Variants in SP8 observed in about 807,000 individuals in gnomAD.
SP8 encodes Sp8 transcription factor, also known as transcription factor Sp8.
Under a neutral mutation model 15.3 loss-of-function variants are expected in SP8, and 7 were observed. The ratio of observed to expected loss-of-function variants is 0.46; its 90% CI spans 0.26 to 0.86. SP8 has a LOEUF of 0.86. Among genes scored for constraint, SP8 ranks in the 40% least tolerant of loss-of-function variants. The pLI is 0.16. For synonymous variants in SP8, 415 were observed against 356.3 expected (o/e 1.16, Z -1.86); for missense variants, 731 against 736.4 (o/e 0.99, Z 0.09).
rs925747087 is a variant in SP8, at chr7:20,782,984, A to G, written c.*1306T>C. On this transcript the variant is annotated 3_prime_UTR_variant, in exon 2 of 2. Coordinates refer to ENST00000418710, the MANE Select transcript of SP8 (RefSeq NM_182700.6). Reference sequence around the variant, plus strand: ...CTGGCGGAGTTATATTTAATTGGTAACTAATCTAGAACGATTCTCCAGTTG... The same window carrying G: ...CTGGCGGAGTTATATTTAATTGGTAGCTAATCTAGAACGATTCTCCAGTTG... The G allele has an allele frequency of 6.6e-5, 10 of 152,530 alleles. No individual in the cohort carries two copies. Among genetic ancestry groups the G allele is most frequent in the African/African-American group, 2.4e-4 (10 of 41,462 alleles). The allele number at this position is 152,530 out of a possible 1,614,324, so 9.4% of individuals were successfully genotyped here.
In SP8 at chr7:20,783,986, A is replaced by C; in HGVS notation, c.*304T>G. The C allele has an allele frequency of 2.5e-6, 1 of 396,230 alleles. No homozygotes were observed. The allele number at this position is 396,230 out of a possible 1,614,324, so 24.5% of individuals were successfully genotyped here. A position where few individuals can be genotyped will look rare whatever the true frequency, so the allele number is the denominator to read the frequency against. ...CCTGGGGGGTGGAGGAGGGGAGGAC[A>C]AGGAAGAGAGAACGAGAAATAAAGG... is the stretch of plus-strand genomic sequence containing the variant. On this transcript the variant is annotated 3_prime_UTR_variant, in exon 2 of 2. Transcript: ENST00000418710.
In SP8 at chr7:20,785,668, G is replaced by C; in HGVS notation, c.149C>G (p.Pro50Arg). The change falls in exon 2 of 2, where the codon CCC (proline) becomes CGC (arginine). Residue 50 changes from proline (P) to arginine (R), a missense_variant. Physicochemically the swap from Pro to Arg is moderately radical, Grantham distance 103. Transcript: ENST00000418710. This position sits in a 1 kb window ranked among gnomAD's most constrained non-coding sequence, Gnocchi z 7.2. The part of the protein sequence containing the change: ...SSSSFGKGFH[P>R]WKRSSSSSSA... ...AGAAGAGGACGAGGAGCGTTTCCAG[G>C]GGTGGAAGCCTTTGCCGAAGGAAGA... is the stretch of plus-strand genomic sequence containing the variant. The C allele has an allele frequency of 6.2e-7, 1 of 1,614,002 alleles. No homozygotes were observed. Among genetic ancestry groups the C allele is most frequent in the Non-Finnish European group, 8.5e-7 (1 of 1,180,002 alleles).
In SP8 at chr7:20,786,813, C is replaced by G. The variant is rs764156823; in HGVS notation, c.-15G>C. The stretch of plus-strand genomic sequence containing the variant: ...GAAGTTGCCATCACACAAAAGTGCC[C>G]TCCTCCTCTCAGAGGATCTTTTTTA... On this transcript the variant is annotated 5_prime_UTR_variant, in exon 1 of 2. Coordinates refer to ENST00000418710, the MANE Select transcript of SP8 (RefSeq NM_182700.6). The surrounding 1 kb of genome is among the most constrained non-coding windows in gnomAD (Gnocchi z 4.4). 1.1e-5 allele frequency: 17 copies of G among 1,609,310 alleles called. No homozygotes were observed. Among genetic ancestry groups the G allele is most frequent in the Non-Finnish European group, 1.4e-5 (17 of 1,175,610 alleles).
At position 20,784,243 on chromosome 7, in the gene SP8, G is replaced by A. The variant is rs1392920001; in HGVS notation, c.*47C>T. 5.8e-6 allele frequency: 8 copies of A among 1,384,350 alleles called. No homozygotes were observed. The highest frequency in any genetic ancestry group is 7.5e-6 in the Non-Finnish European group (8 of 1,062,994). The allele number at this position is 1,384,350 out of a possible 1,614,324, so 85.8% of individuals were successfully genotyped here. The stretch of plus-strand genomic sequence containing the variant: ...AGTCCGGACAGACAGGGCCCAAGAG[G>A]ACTTGGTGGGAGGAGGTCGGGGAGA... On this transcript the variant is annotated 3_prime_UTR_variant, in exon 2 of 2. Coordinates refer to ENST00000418710, the MANE Select transcript of SP8 (RefSeq NM_182700.6).
chr7:20,784,158 G>T lies in SP8; in HGVS notation c.*132C>A. 1.3e-6 allele frequency: 1 copy of T among 795,468 alleles called. No individual in the cohort carries two copies. The highest frequency in any genetic ancestry group is 1.8e-6 in the Non-Finnish European group (1 of 556,578). 49.3% of individuals were successfully genotyped at this position (795,468 alleles called of 1,614,324 possible). On this transcript the variant is annotated 3_prime_UTR_variant, in exon 2 of 2. Transcript: ENST00000418710. ...AAGTCACAGAAGGAAGAAGGAAGAGGGGCAGAAACAGAAAGAGACAGAGAG... is the reference window on the plus strand; with the variant it reads ...AAGTCACAGAAGGAAGAAGGAAGAGTGGCAGAAACAGAAAGAGACAGAGAG...
In SP8 at chr7:20,784,245, C is replaced by A. The variant is rs1270425015; in HGVS notation, c.*45G>T. ...TCCGGACAGACAGGGCCCAAGAGGA[C>A]TTGGTGGGAGGAGGTCGGGGAGAGG... On this transcript the variant is annotated 3_prime_UTR_variant, in exon 2 of 2. Transcript: ENST00000418710. 7 of 1,393,344 alleles carry A rather than the reference C, an allele frequency of 5.0e-6. No individual in the cohort carries two copies. The highest frequency in any genetic ancestry group is 1.5e-5 in the South Asian group (1 of 65,536). The allele number at this position is 1,393,344 out of a possible 1,614,324, so 86.3% of individuals were successfully genotyped here.
chr7:20,785,095 G>A lies in SP8; in HGVS notation c.722C>T (p.Pro241Leu). 1.9e-6 allele frequency: 3 copies of A among 1,584,836 alleles called. No homozygotes were observed. Among genetic ancestry groups the A allele is most frequent in the Non-Finnish European group, 2.6e-6 (3 of 1,170,958 alleles). ...VGAGWIDVQN[P>L]NSAAALPGSL... is the part of the protein sequence containing the mutation. The stretch of plus-strand genomic sequence containing the variant: ...GCCGGGCAGCGCAGCCGCGCTGTTC[G>A]GGTTCTGCACGTCGATCCAGCCGGC... Residue 241 changes from proline (P) to leucine (L), a missense_variant, in exon 2 of 2, where the codon CCG becomes CTG. Physicochemically the swap from Pro to Leu is moderately conservative, Grantham distance 98. Around this residue, in one of 3 missense-constraint regions of SP8, gnomAD observed 586 missense variants for 524.9 expected, o/e 1.12. Coordinates refer to ENST00000418710, the MANE Select transcript of SP8 (RefSeq NM_182700.6). The surrounding 1 kb of genome is among the most constrained non-coding windows in gnomAD (Gnocchi z 7.2).
At position 20,785,249 on chromosome 7, in the gene SP8, G is replaced by A; in HGVS notation, c.568C>T (p.Leu190=). The A allele has an allele frequency of 2.5e-6, 4 of 1,597,162 alleles. No individual in the cohort carries two copies. The highest frequency in any genetic ancestry group is 3.4e-6 in the Non-Finnish European group (4 of 1,173,636). The part of the protein sequence containing the change: ...ISKVHTSVDG[L]QGIYPRVGMA... ...CCCACCCGCGGGTAGATGCCCTGCA[G>A]CCCGTCCACAGAGGTGTGCACCTTG... is the stretch of plus-strand genomic sequence containing the variant. Residue 190 remains leucine (L), a synonymous_variant, in exon 2 of 2, where the codon CTG becomes TTG. Coordinates refer to ENST00000418710, the MANE Select transcript of SP8 (RefSeq NM_182700.6). This position sits in a 1 kb window ranked among gnomAD's most constrained non-coding sequence, Gnocchi z 7.2.
chr7:20,784,508 G>C lies in SP8; in HGVS notation c.1309C>G (p.Pro437Ala), dbSNP rs1783601410. ...CGCATGAAGCGCTTGTTGCAAACTG[G>C]ACAGGCGAAGCGCTTCTCGCCGGTG... ...THTGEKRFAC[P>A]VCNKRFMRSD... The change falls in exon 2 of 2, where the codon CCA becomes GCA. Residue 437 changes from proline (P) to alanine (A), a missense_variant. Coordinates refer to ENST00000418710, the MANE Select transcript of SP8 (RefSeq NM_182700.6). The C allele has an allele frequency of 1.9e-6, 3 of 1,563,170 alleles. No individual in the cohort carries two copies. Among genetic ancestry groups the C allele is most frequent in the African/African-American group, 1.4e-5 (1 of 73,628 alleles).
In SP8 at chr7:20,784,056, TA is replaced by T; in HGVS notation, c.*233del. The T allele has an allele frequency of 2.2e-6, 1 of 457,070 alleles. No homozygotes were observed. The highest frequency in any genetic ancestry group is 3.7e-6 in the Non-Finnish European group (1 of 269,560). The allele number at this position is 457,070 out of a possible 1,614,324, so 28.3% of individuals were successfully genotyped here. A position where few individuals can be genotyped will look rare whatever the true frequency, so the allele number is the denominator to read the frequency against. On this transcript the variant is annotated 3_prime_UTR_variant, in exon 2 of 2. Coordinates refer to ENST00000418710, the MANE Select transcript of SP8 (RefSeq NM_182700.6). ...CGGCTGCAACGGGTTCAGGCAGCGT[TA>T]CCCGTGGAAAGGGAAAGCCAGGGCC...
In SP8 at chr7:20,784,095, G is replaced by A. The variant is rs1184080867; in HGVS notation, c.*195C>T. 2 of 511,180 alleles carry A rather than the reference G, an allele frequency of 3.9e-6. No individual in the cohort carries two copies. Among genetic ancestry groups the A allele is most frequent in the Non-Finnish European group, 6.4e-6 (2 of 314,384 alleles). The allele number at this position is 511,180 out of a possible 1,614,324, so 31.7% of individuals were successfully genotyped here. A position where few individuals can be genotyped will look rare whatever the true frequency, so the allele number is the denominator to read the frequency against. On this transcript the variant is annotated 3_prime_UTR_variant, in exon 2 of 2. Transcript: ENST00000418710. ...GAAAGCCAGGGCCCGGGACAGCGAT[G>A]CGTGTTACTTACTTGTCCATATCCC...
chr7:20,784,140 A>G lies in SP8; in HGVS notation c.*150T>C. 1.4e-6 allele frequency: 1 copy of G among 695,494 alleles called. No homozygotes were observed. Among genetic ancestry groups the G allele is most frequent in the Non-Finnish European group, 2.1e-6 (1 of 468,064 alleles). The allele number at this position is 695,494 out of a possible 1,614,324, so 43.1% of individuals were successfully genotyped here. ...TATCCCCTTTACAAAGTTAAGTCAC[A>G]GAAGGAAGAAGGAAGAGGGGCAGAA... On this transcript the variant is annotated 3_prime_UTR_variant, in exon 2 of 2. Transcript: ENST00000418710.
At position 20,784,901 on chromosome 7, in the gene SP8, G is replaced by A; in HGVS notation, c.916C>T (p.Pro306Ser). ...HLMDGFKPVL[P>S]GSYPDSAPSP... The stretch of plus-strand genomic sequence containing the variant: ...GGGGCCGAGTCCGGGTAGGAGCCGG[G>A]TAGCACTGGCTTGAAGCCGTCCATG... The change falls in exon 2 of 2, where the codon CCC (proline) becomes TCC (serine). Residue 306 changes from proline (P) to serine (S), a missense_variant. Transcript: ENST00000418710. The A allele has an allele frequency of 5.9e-6, 9 of 1,536,892 alleles. No individual in the cohort carries two copies. The highest frequency in any genetic ancestry group is 7.8e-6 in the Non-Finnish European group (9 of 1,147,840).
rs1783585220 is a variant in SP8, at chr7:20,784,159, G to C, written c.*131C>G. The C allele has an allele frequency of 2.5e-6, 2 of 808,460 alleles. No individual in the cohort carries two copies. The highest frequency in any genetic ancestry group is 6.5e-5 in the East Asian group (2 of 30,950). The allele number at this position is 808,460 out of a possible 1,614,324, so 50.1% of individuals were successfully genotyped here. Reference sequence around the variant, plus strand: ...AGTCACAGAAGGAAGAAGGAAGAGGGGCAGAAACAGAAAGAGACAGAGAGC... The same window carrying C: ...AGTCACAGAAGGAAGAAGGAAGAGGCGCAGAAACAGAAAGAGACAGAGAGC... On this transcript the variant is annotated 3_prime_UTR_variant, in exon 2 of 2. Coordinates refer to ENST00000418710, the MANE Select transcript of SP8 (RefSeq NM_182700.6).
At position 20,784,440 on chromosome 7, in the gene SP8, G is replaced by T; in HGVS notation, c.1377C>A (p.Gly459=). 1.3e-6 allele frequency: 2 copies of T among 1,537,366 alleles called. No homozygotes were observed. The highest frequency in any genetic ancestry group is 1.7e-6 in the Non-Finnish European group (2 of 1,143,976). Reference sequence around the variant, plus strand: ...AGCCCGCCGAGCCGCCGCCGCCGCCGCCGCCACTGTGCGTCTTCACGTGCT... The same window carrying T: ...AGCCCGCCGAGCCGCCGCCGCCGCCTCCGCCACTGTGCGTCTTCACGTGCT... ...LSKHVKTHSG[G]GGGGGSAGSG... The change falls in exon 2 of 2, where the codon GGC becomes GGA. Residue 459 remains glycine (G), a synonymous_variant. Transcript: ENST00000418710.
At position 20,786,261 on chromosome 7, in the gene SP8, T is replaced by A. The variant is rs1783675776; in HGVS notation, c.22-466A>T. Among the ~76,000 whole-genome samples the A allele has an allele frequency of 6.6e-6, 1 of 152,300 alleles. No individual in the cohort carries two copies. Among genetic ancestry groups the A allele is most frequent in the African/African-American group, 2.4e-5 (1 of 41,554 alleles). On this transcript the variant is annotated intron_variant, in intron 1 of 1. Coordinates refer to ENST00000418710, the MANE Select transcript of SP8 (RefSeq NM_182700.6). The surrounding 1 kb of genome is among the most constrained non-coding windows in gnomAD (Gnocchi z 4.4). ...ACCTGTTCGGGTCCCCAGAAACCCA[T>A]CCTGGGTTGTTTCTCCCAGGCCAAA...
In SP8 at chr7:20,785,914, C is replaced by T; in HGVS notation, c.22-119G>A. The T allele has an allele frequency of 2.7e-6, 4 of 1,462,162 alleles. No individual in the cohort carries two copies. Among genetic ancestry groups the T allele is most frequent in the Non-Finnish European group, 3.6e-6 (4 of 1,099,866 alleles). 90.6% of individuals were successfully genotyped at this position (1,462,162 alleles called of 1,614,324 possible). On this transcript the variant is annotated intron_variant, in intron 1 of 1. Coordinates refer to ENST00000418710, the MANE Select transcript of SP8 (RefSeq NM_182700.6). This position sits in a 1 kb window ranked among gnomAD's most constrained non-coding sequence, Gnocchi z 7.2. ...GCCTCCAAAGCGCCCCACTGCACCC[C>T]ATCTCTCGCTGCGGCGCGCCGCCAC...
chr7:20,784,513 G>A lies in SP8; in HGVS notation c.1304C>T (p.Ala435Val). Reference sequence around the variant, plus strand: ...GAAGCGCTTGTTGCAAACTGGACAGGCGAAGCGCTTCTCGCCGGTGTGGGT... The same window carrying A: ...GAAGCGCTTGTTGCAAACTGGACAGACGAAGCGCTTCTCGCCGGTGTGGGT... Reference protein sequence around the residue: ...LRTHTGEKRFACPVCNKRFMR... With the variant: ...LRTHTGEKRFVCPVCNKRFMR... The change falls in exon 2 of 2, where the codon GCC (alanine) becomes GTC (valine). Residue 435 changes from alanine (A) to valine (V), a missense_variant. Around this residue, in one of 3 missense-constraint regions of SP8, gnomAD observed 114 missense variants for 111.9 expected, o/e 1.02. Transcript: ENST00000418710. 1 of 1,565,024 alleles carries A rather than the reference G, an allele frequency of 6.4e-7. No individual in the cohort carries two copies. Among genetic ancestry groups the A allele is most frequent in the Non-Finnish European group, 8.7e-7 (1 of 1,156,068 alleles).
At position 20,785,047 on chromosome 7, in the gene SP8, C is replaced by T; in HGVS notation, c.770G>A (p.Gly257Glu). The T allele has an allele frequency of 6.3e-7, 1 of 1,578,766 alleles. No homozygotes were observed. The highest frequency in any genetic ancestry group is 8.6e-7 in the Non-Finnish European group (1 of 1,167,670). ...LPGSLHPAAG[G>E]LQTSLHSPLG... ...CGGCGAGTGCAGCGAGGTTTGGAGC[C>T]CCCCGGCGGCAGGGTGCAGCGAGCC... Residue 257 changes from glycine (G) to glutamate (E), a missense_variant, in exon 2 of 2, where the codon GGG becomes GAG. Physicochemically the swap from Gly to Glu is moderately conservative, Grantham distance 98. Coordinates refer to ENST00000418710, the MANE Select transcript of SP8 (RefSeq NM_182700.6). This position sits in a 1 kb window ranked among gnomAD's most constrained non-coding sequence, Gnocchi z 7.2.
Sources: gnomAD v4.1 joint callset for allele counts (sites outside exome capture counted in the v4.1 genomes callset) on GRCh38, gnomAD v4.1.1 for gene constraint, gnomAD v4.1.1 regional missense constraint, Gnocchi (gnomAD v3.1) non-coding constraint, MANE v1.5 for transcripts, NCBI Gene and HGNC (gene_info 2026-07-23, HGNC 2026-07-21) for gene names.